The following SPATA17 variants were observed in gnomAD, a reference collection of about 807,000 sequenced individuals.
SPATA17 encodes the protein spermatogenesis associated 17.
In SPATA17, 53 loss-of-function variants were observed where a neutral mutation model predicts 62.2. That is an observed-to-expected ratio of 0.85 (90% CI 0.68 to 1.07). The LOEUF (loss-of-function observed/expected upper bound fraction) is 1.07, where lower values mean the gene tolerates loss of function less well. Among genes scored for constraint, SPATA17 ranks in the 50% least tolerant of loss-of-function variants. The pLI is 0.00. For missense variants in SPATA17, 466 were observed against 425.5 expected, an observed-to-expected ratio of 1.10 and a Z score of -0.84; for synonymous variants, 146 against 146.8, an observed-to-expected ratio of 0.99 and a Z score of 0.04.
At chr1:217,786,096 T>A (rs1673854300) in intron 8 of SPATA17, among the ~76,000 whole-genome samples, 1 of 152,168 alleles carries the variant, frequency 6.6e-6, no homozygotes, top group Non-Finnish European at 1.5e-5. Flanking sequence ...ATTTATTGAT[T>A]CAACAGATGT....
intron 4 of SPATA17, among the ~76,000 whole-genome samples, chr1:217,680,100 T>C (rs1671043874): frequency 6.6e-6 from 1 of 152,210 alleles, no homozygotes; most frequent in Admixed American, 6.5e-5. Flanking sequence ...CTATGCAACT[T>C]GAATAACTTC....
At chr1:217,805,991 C>T (rs554347144) in intron 9 of SPATA17, among the ~76,000 whole-genome samples, 43 of 152,262 alleles carry the variant, frequency 2.8e-4, no homozygotes, top group Middle Eastern at 3.4e-3. Flanking sequence ...CTTGCCTCAT[C>T]CTGAGGCAAA....
chr1:217,810,919 G>C (rs1674570702), intron 9 of SPATA17, among the ~76,000 whole-genome samples: 1 of 152,094 alleles, frequency 6.6e-6, no homozygotes, highest in Non-Finnish European at 1.5e-5. Flanking sequence ...CCTCCTGCCA[G>C]ATCCCTCCCT....
chr1:217,689,246 G>C (rs143171629), intron 5 of SPATA17, among the ~76,000 whole-genome samples: 47 of 73,270 alleles, frequency 6.4e-4, no homozygotes, highest in African/African-American at 2.2e-3. Context: ...TTTTTTTTGA[G>C]ACAGAGTCTC....
intron 5 of SPATA17, among the ~76,000 whole-genome samples, chr1:217,733,397 C>A (rs1571766225): frequency 6.6e-6 from 1 of 152,196 alleles, no homozygotes; most frequent in Non-Finnish European, 1.5e-5. Flanking sequence ...CCTGCTCTCT[C>A]TACTTAGTGA....
At chr1:217,831,536 G>A (rs530454733) in intron 9 of SPATA17, among the ~76,000 whole-genome samples, 1 of 152,176 alleles carries the variant, frequency 6.6e-6, no homozygotes, top group South Asian at 2.1e-4. Flanking sequence ...AGCTATATAT[G>A]ACTAGCAAGT....
At chr1:217,636,582 T>C (rs1008974264) in intron 1 of SPATA17, among the ~76,000 whole-genome samples, 1 of 152,074 alleles carries the variant, frequency 6.6e-6, no homozygotes, top group African/African-American at 2.4e-5. Flanking sequence ...CCAGCTAATT[T>C]TTTTTTCTTT....
At position 217,782,153 on chromosome 1, in the gene SPATA17, T is replaced by C. The variant is rs964039800; in HGVS notation, c.724-21T>C. The C allele has an allele frequency of 1.9e-6, 3 of 1,561,124 alleles. No individual in the cohort carries two copies. In the African/African-American group the frequency reaches 4.1e-5, roughly 22 times the overall value. ...AAAAAAATCTTCCATATAAAATATGTTCCTCATCCTGTCTTGTCAGGGGCC... is the reference window on the plus strand; with the variant it reads ...AAAAAAATCTTCCATATAAAATATGCTCCTCATCCTGTCTTGTCAGGGGCC... On this transcript the variant is annotated intron_variant, in intron 7 of 10. Transcript: ENST00000366933.
At chr1:217,646,902 C>T (rs1558550229) in intron 1 of SPATA17, among the ~76,000 whole-genome samples, 1 of 151,708 alleles carries the variant, frequency 6.6e-6, no homozygotes, top group South Asian at 2.1e-4. Context: ...TCAAAAAAAC[C>T]CAAACAAACC....
At chr1:217,707,280 C>T (rs1671758543) in intron 5 of SPATA17, among the ~76,000 whole-genome samples, 1 of 151,852 alleles carries the variant, frequency 6.6e-6, no homozygotes, top group Non-Finnish European at 1.5e-5. Flanking sequence ...TGATTTTGTA[C>T]CCTGAAACTT....
chr1:217,705,971 A>G (rs1261440218), intron 5 of SPATA17, among the ~76,000 whole-genome samples: 1 of 152,196 alleles, frequency 6.6e-6, no homozygotes, highest in Non-Finnish European at 1.5e-5. Context: ...AGCACCATTT[A>G]TTGAACAGGG....
chr1:217,698,526 A>G (rs956687569), intron 5 of SPATA17, among the ~76,000 whole-genome samples: 1 of 150,970 alleles, frequency 6.6e-6, no homozygotes, highest in African/African-American at 2.4e-5. Context: ...TTTCCTTTTA[A>G]AAAAAAAAGT....
At chr1:217,756,378 A>G (rs1280866412) in intron 6 of SPATA17, among the ~76,000 whole-genome samples, 5 of 152,092 alleles carry the variant, frequency 3.3e-5, no homozygotes, top group African/African-American at 4.8e-5. Flanking sequence ...GGGAAAGCTA[A>G]TATTTTTTAG....
intron 6 of SPATA17, among the ~76,000 whole-genome samples, chr1:217,771,754 T>C (rs1213218816): frequency 3.9e-5 from 6 of 152,198 alleles, no homozygotes; most frequent in African/African-American, 9.7e-5. Context: ...GGTCTCCATA[T>C]AGGTTGCAAA....
intron 6 of SPATA17, among the ~76,000 whole-genome samples, chr1:217,751,545 A>G (rs1672906369): frequency 6.6e-6 from 1 of 152,216 alleles, no homozygotes; most frequent in African/African-American, 2.4e-5. Flanking sequence ...TGGAGAATGA[A>G]TTACCTATTA....
intron 1 of SPATA17, among the ~76,000 whole-genome samples, chr1:217,638,703 G>C (rs1435931885): frequency 6.6e-6 from 1 of 152,074 alleles, no homozygotes; most frequent in Admixed American, 6.6e-5. Context: ...GGCTACTATG[G>C]AGTTAGAACT....
chr1:217,863,986 T>C (rs190024006), intron 10 of SPATA17, among the ~76,000 whole-genome samples: 1 of 152,310 alleles, frequency 6.6e-6, no homozygotes, highest in Admixed American at 6.5e-5. Flanking sequence ...CTCTTTCCTC[T>C]CTCCCCACTG....
intron 7 of SPATA17, among the ~76,000 whole-genome samples, chr1:217,777,693 C>G (rs979044557): frequency 2.0e-5 from 3 of 152,150 alleles, no homozygotes; most frequent in Admixed American, 2.0e-4. Context: ...TAAGCCATCA[C>G]GCCAGGCCCA....
intron 5 of SPATA17, among the ~76,000 whole-genome samples, chr1:217,691,047 T>C (rs1261322521): frequency 2.1e-5 from 3 of 145,256 alleles, no homozygotes; most frequent in Non-Finnish European, 4.5e-5. Context: ...TAGTTCTAGA[T>C]CCCTGAGGAA....
Sources: gnomAD v4.1 joint callset for allele counts (sites outside exome capture counted in the v4.1 genomes callset) on GRCh38, gnomAD v4.1.1 for gene constraint, MANE v1.5 for transcripts, NCBI Gene and HGNC (gene_info 2026-07-23, HGNC 2026-07-21) for gene names.